Variants in MLPH observed in about 807,000 individuals in gnomAD.
MLPH encodes melanophilin.
In MLPH, 51 loss-of-function variants were observed where a neutral mutation model predicts 72.1. The observed-to-expected ratio is 0.71, with a 90% CI of 0.56 to 0.89. MLPH has a LOEUF of 0.89. Ranked by LOEUF, MLPH falls within the 40% of genes least tolerant of loss-of-function variation. The pLI, the probability that MLPH is intolerant of heterozygous loss-of-function variation, is 0.00. For missense variants in MLPH, 743 were observed against 759.9 expected (o/e 0.98, Z 0.26); for synonymous variants, 301 against 310.1 (o/e 0.97, Z 0.31).
intron 12 of MLPH, chr2:237,545,457 GCTCTTTATGAGGGGA>G (rs1249610017): frequency 7.8e-7 from 1 of 1,286,950 alleles, no homozygotes; most frequent in Non-Finnish European, 1.0e-6. Flanking sequence ...CCCTAAAAAG[GCTCTTTATGAGGGGA>G]CTCTGAGCCT....
At position 237,554,132 on chromosome 2, in the gene MLPH, A is replaced by G; in HGVS notation, c.*540A>G. On this transcript the variant is annotated 3_prime_UTR_variant, in exon 16 of 16. Transcript: ENST00000264605. ...GCTGAATAATGAAGGAGGAATAGAC[A>G]CCCCAGTCCCCACCCTACGTGCACC... The G allele has an allele frequency of 3.9e-6, 1 of 256,332 alleles. No individual in the cohort carries two copies. Among genetic ancestry groups the G allele is most frequent in the Non-Finnish European group, 7.7e-6 (1 of 129,738 alleles). The allele number at this position is 256,332 out of a possible 1,614,324, so 15.9% of individuals were successfully genotyped here.
At chr2:237,519,784 T>C in intron 5 of MLPH, 126 bp from the exon 6 acceptor site, 1 of 1,361,020 alleles carries the variant, frequency 7.3e-7, no homozygotes, top group African/African-American at 1.4e-5. Context: ...GGGGTGGATG[T>C]GCTGGGAGAG....
In MLPH at chr2:237,510,903, G is replaced by A. The variant is rs754590120; in HGVS notation, c.333-86G>A. ...TGGACGCACACATGCACACACTCGT[G>A]TGTGTGTGTGTGTGTGTGTGTGAGA... On this transcript the variant is annotated intron_variant, in intron 3 of 15. Transcript: ENST00000264605. This position sits in a 1 kb window ranked among gnomAD's most constrained non-coding sequence, Gnocchi z 4.4. The A allele has an allele frequency of 1.6e-5, 19 of 1,209,014 alleles. No individual in the cohort carries two copies. Among genetic ancestry groups the A allele is most frequent in the Non-Finnish European group, 2.1e-5 (18 of 856,132 alleles). The allele number at this position is 1,209,014 out of a possible 1,614,324, so 74.9% of individuals were successfully genotyped here. A position where few individuals can be genotyped will look rare whatever the true frequency, so the allele number is the denominator to read the frequency against.
At chr2:237,538,134 G>A (rs1467392528) in intron 9 of MLPH, among the ~76,000 whole-genome samples, 2 of 152,234 alleles carry the variant, frequency 1.3e-5, no homozygotes, top group Admixed American at 1.3e-4. Context: ...AGGTGGCCGT[G>A]AACAAAGTCG....
chr2:237,506,886 C>T lies in MLPH; in HGVS notation c.111-3688C>T, dbSNP rs143081151. ...CCACTTGCTTCTGCATTCAGTGGGT[C>T]GTAACATGTTTTCTAGGCTGTAGTA... is the stretch of plus-strand genomic sequence containing the variant. On this transcript the variant is annotated intron_variant, in intron 2 of 15. Transcript: ENST00000264605. Among the ~76,000 whole-genome samples the T allele has an allele frequency of 3.7e-4, 56 of 152,042 alleles. No homozygotes were observed. In the South Asian group the frequency reaches 0.01, roughly 28 times the overall value.
At chr2:237,542,754 G>A (rs1428752433) in intron 12 of MLPH, 95 bp downstream of exon 12, 1 of 578,548 alleles carries the variant, frequency 1.7e-6, no homozygotes, top group Non-Finnish European at 2.7e-6. Context: ...GGTGAGTGGA[G>A]GGACAGTGGT....
At position 237,512,094 on chromosome 2, in the gene MLPH, G is replaced by A. The variant is rs553844970; in HGVS notation, c.445+993G>A. ...CCAAGGCGAGTTTCTCCAGGGCCAC[G>A]AGGCAGCGCCTGGCTCCGGCAGCTG... On this transcript the variant is annotated intron_variant, in intron 4 of 15. Transcript: ENST00000264605. The surrounding 1 kb of genome is among the most constrained non-coding windows in gnomAD (Gnocchi z 5.5). Among the ~76,000 whole-genome samples, 4 of 152,328 alleles carry A rather than the reference G, an allele frequency of 2.6e-5. No individual in the cohort carries two copies. The East Asian group carries it at 5.8e-4, about 22-fold the overall frequency.
chr2:237,545,803 A>T (rs1574912299), intron 12 of MLPH: 1 of 300,948 alleles, frequency 3.3e-6, no homozygotes, highest in Non-Finnish European at 5.5e-6. Flanking sequence ...TCTAAATTTC[A>T]GATCAACAAC....
In MLPH at chr2:237,512,619, T is replaced by C. The variant is rs72988137; in HGVS notation, c.445+1518T>C. ...ATGAAGCCTAGCAGCAAATCCCACC[T>C]CCCCACACGCACACGGCCAGCCTGG... On this transcript the variant is annotated intron_variant, in intron 4 of 15. Coordinates refer to ENST00000264605, the MANE Select transcript of MLPH (RefSeq NM_024101.7). The surrounding 1 kb of genome is among the most constrained non-coding windows in gnomAD (Gnocchi z 5.5). 9.9e-5 allele frequency among the ~76,000 whole-genome samples: 15 copies of C among 152,052 alleles called. No homozygotes were observed. Among genetic ancestry groups the C allele is most frequent in the Non-Finnish European group, 1.6e-4 (11 of 67,984 alleles).
At chr2:237,522,695 T>C (rs2080215599) in intron 6 of MLPH, among the ~76,000 whole-genome samples, 1 of 152,070 alleles carries the variant, frequency 6.6e-6, no homozygotes. Flanking sequence ...GGGCCTTGTA[T>C]GGTGGATGGG....
At position 237,525,851 on chromosome 2, in the gene MLPH, G is replaced by T. The variant is rs777419436; in HGVS notation, c.880+46G>T. 2.5e-6 allele frequency: 4 copies of T among 1,578,452 alleles called. No individual in the cohort carries two copies. The Admixed American group carries it at 5.1e-5, about 20-fold the overall frequency. ...TCTTCCTGATGGGCTCGGCATGGGG[G>T]AGCAGGTCACTGAGGAACAACCCCA... On this transcript the variant is annotated intron_variant, in intron 7 of 15. Coordinates refer to ENST00000264605, the MANE Select transcript of MLPH (RefSeq NM_024101.7).
At chr2:237,493,606 C>A in intron 2 of MLPH, 70 bp downstream of exon 2, 1 of 1,228,404 alleles carries the variant, frequency 8.1e-7, no homozygotes, top group Non-Finnish European at 1.2e-6. Flanking sequence ...CATATGGGTG[C>A]TGTCTGGGTG....
rs192650950 is a variant in MLPH, at chr2:237,536,188, C to T, written c.1104+1541C>T. Among the ~76,000 whole-genome samples the T allele has an allele frequency of 7.2e-5, 11 of 152,278 alleles. No homozygotes were observed. In the East Asian group the frequency reaches 2.1e-3, roughly 29 times the overall value. On this transcript the variant is annotated intron_variant, in intron 9 of 15. Coordinates refer to ENST00000264605, the MANE Select transcript of MLPH (RefSeq NM_024101.7). ...GAGACCAAGTGGGAAGCAGAGCACA[C>T]AGGCCCCAAGTTAGACCCCAAGGGC... is the stretch of plus-strand genomic sequence containing the variant.
At chr2:237,518,279 T>G in intron 4 of MLPH, 3 of 559,880 alleles carry the variant, frequency 5.4e-6, no homozygotes, top group Non-Finnish European at 6.7e-6. Context: ...GGGCTGCCCA[T>G]TGAGTAGGTG....
At chr2:237,546,434 G>T in intron 12 of MLPH, 172 bp from the exon 13 acceptor site, 2 of 663,832 alleles carry the variant, frequency 3.0e-6, no homozygotes, top group East Asian at 2.7e-5. Flanking sequence ...ACACTTTGGC[G>T]CCCTAGTCCC....
intron 4 of MLPH, among the ~76,000 whole-genome samples, chr2:237,514,840 C>A (rs2106304698): frequency 6.6e-6 from 1 of 152,298 alleles, no homozygotes; most frequent in East Asian, 1.9e-4. Context: ...GAAACTGAGG[C>A]CCTCTGAGCC....
chr2:237,535,904 T>C (rs1363773368), intron 9 of MLPH, among the ~76,000 whole-genome samples: 1 of 152,022 alleles, frequency 6.6e-6, no homozygotes, highest in Non-Finnish European at 1.5e-5. Context: ...TTGAGAGGGG[T>C]CTCATCTCTG....
chr2:237,522,840 A>G (rs1321756738), intron 6 of MLPH, among the ~76,000 whole-genome samples: 1 of 152,218 alleles, frequency 6.6e-6, no homozygotes, highest in Non-Finnish European at 1.5e-5. Flanking sequence ...AGGAGGAACC[A>G]TGCTATAGCT....
chr2:237,526,271 C>A (rs1456692468), intron 7 of MLPH, among the ~76,000 whole-genome samples: 1 of 152,124 alleles, frequency 6.6e-6, no homozygotes, highest in Non-Finnish European at 1.5e-5. Context: ...GAAATGAAAT[C>A]CCCAAAGCTC....
Sources: gnomAD v4.1 joint callset for allele counts (sites outside exome capture counted in the v4.1 genomes callset) on GRCh38, gnomAD v4.1.1 for gene constraint, Gnocchi (gnomAD v3.1) non-coding constraint, MANE v1.5 for transcripts, NCBI Gene and HGNC (gene_info 2026-07-23, HGNC 2026-07-21) for gene names.